Variants in TMF1 observed in about 807,000 individuals in gnomAD.
The protein encoded by TMF1 is TATA element modulatory factor.
Under a neutral mutation model 126.5 loss-of-function variants are expected in TMF1, and 71 were observed. That is an observed-to-expected ratio of 0.56 (90% CI 0.46 to 0.68). The LOEUF (loss-of-function observed/expected upper bound fraction) is 0.68, where lower values mean the gene tolerates loss of function less well. Among genes scored for constraint, TMF1 ranks in the 30% least tolerant of loss-of-function variants. The pLI is 0.00. For missense variants in TMF1, 1,259 were observed against 1,253.2 expected, an observed-to-expected ratio of 1.00 and a Z score of -0.07; for synonymous variants, 461 against 430.5, an observed-to-expected ratio of 1.07 and a Z score of -0.88.
In TMF1 at chr3:69,019,928, G is replaced by A. The variant is rs898533290; in HGVS notation, c.*3249C>T. On this transcript the variant is annotated 3_prime_UTR_variant, in exon 17 of 17. Coordinates refer to ENST00000398559, the MANE Select transcript of TMF1 (RefSeq NM_007114.3). ...ATCTGTAGTTTAAATCATACTTTCA[G>A]CCCTTTACAAAATATGTGATTAAAG... 6.6e-5 allele frequency: 10 copies of A among 151,910 alleles called. 1 individual carries two copies. The highest frequency in any genetic ancestry group is 5.9e-4 in the Admixed American group (9 of 15,278). The allele number at this position is 151,910 out of a possible 1,614,324, so 9.4% of individuals were successfully genotyped here.
chr3:69,037,678 T>C (rs2091840175), intron 8 of TMF1, among the ~76,000 whole-genome samples: 4 of 152,026 alleles, frequency 2.6e-5, no homozygotes, highest in Admixed American at 2.6e-4. Context: ...TGGTAGCACC[T>C]GCCTGTAGTC....
At chr3:69,050,781 A>G (rs976652768) in intron 1 of TMF1, among the ~76,000 whole-genome samples, 1 of 152,188 alleles carries the variant, frequency 6.6e-6, no homozygotes, top group Non-Finnish European at 1.5e-5. Flanking sequence ...TGACTTTTCA[A>G]TGATGTAAAA....
chr3:69,047,280 A>G, intron 2 of TMF1, 78 bp downstream of exon 2: 1 of 1,457,662 alleles, frequency 6.9e-7, no homozygotes, highest in Non-Finnish European at 9.2e-7. Flanking sequence ...ATTATGCATC[A>G]ATGAAAGTAT....
Position 69,048,560 on chromosome 3 carries a change from T to G in TMF1, c.145A>C (p.Ile49Leu), listed in dbSNP as rs766771583. ...AETIPYGEPGISSPVSGGWDT... is the reference protein window; with the variant it reads ...AETIPYGEPGLSSPVSGGWDT... ...CATCCTCCACTGACAGGGGAACTTA[T>G]TCCTTTAACAAAAAAGTAAATATTA... is the stretch of plus-strand genomic sequence containing the variant. Residue 49 changes from isoleucine to leucine, a missense_variant and splice_region_variant, in exon 2 of 17, where the codon ATA (isoleucine) becomes CTA (leucine). By Grantham distance (5) the Ile-to-Leu change is conservative (BLOSUM62 2). Transcript: ENST00000398559. The G allele has an allele frequency of 2.5e-6, 4 of 1,569,184 alleles. No individual in the cohort carries two copies. The South Asian group carries it at 4.7e-5, about 18-fold the overall frequency.
At chr3:69,024,538 C>A in intron 15 of TMF1, 1 of 165,434 alleles carries the variant, frequency 6.0e-6, no homozygotes. Flanking sequence ...AACGTAGCCC[C>A]ACCTGTGTAG....
At chr3:69,038,322 C>T (rs567313035) in intron 8 of TMF1, among the ~76,000 whole-genome samples, 90 of 152,126 alleles carry the variant, frequency 5.9e-4, no homozygotes, top group South Asian at 1.0e-3. Context: ...AAGAGGGTTC[C>T]TAGCTTTTAT....
At chr3:69,042,591 CT>C in intron 5 of TMF1, 1 of 651,392 alleles carries the variant, frequency 1.5e-6, no homozygotes, top group Non-Finnish European at 2.8e-6. Flanking sequence ...ACTTACTTTT[CT>C]TTTTACTTCC....
Position 69,051,968 on chromosome 3 carries a change from T to C in TMF1, c.119A>G (p.Glu40Gly). ...ACCCGGCTCTCCATACGGAATGGTC[T>C]CGGCCCAGATGCTCGGCTCCTCTTC... ...IQEEEPSIWA[E>G]TIPYGEPGIS... The change falls in exon 1 of 17, where the codon GAG (glutamate) becomes GGG (glycine). Residue 40 changes from glutamate to glycine, a missense_variant. By Grantham distance (98) the Glu-to-Gly change is moderately conservative (BLOSUM62 -2). Transcript: ENST00000398559. 6.2e-7 allele frequency: 1 copy of C among 1,613,974 alleles called. No individual in the cohort carries two copies. The highest frequency in any genetic ancestry group is 2.2e-5 in the East Asian group (1 of 44,852).
intron 1 of TMF1, among the ~76,000 whole-genome samples, chr3:69,051,563 C>T (rs2107473010): frequency 6.6e-6 from 1 of 152,282 alleles, no homozygotes; most frequent in East Asian, 1.9e-4. Flanking sequence ...TGATGATTTA[C>T]GTACTTCAGA....
intron 5 of TMF1, chr3:69,042,472 C>A (rs1189693650): frequency 4.2e-6 from 2 of 480,498 alleles, no homozygotes; most frequent in Non-Finnish European, 8.2e-6. Flanking sequence ...TCAGATATTA[C>A]ATAAATCCCA....
intron 10 of TMF1, among the ~76,000 whole-genome samples, chr3:69,033,198 TG>T (rs2091813303): frequency 6.9e-6 from 1 of 145,380 alleles, no homozygotes; most frequent in Non-Finnish European, 1.5e-5. Context: ...TGTGTGAACC[TG>T]GGAGGCGGAG....
intron 13 of TMF1, among the ~76,000 whole-genome samples, chr3:69,027,005 T>A (rs2091771580): frequency 6.6e-6 from 1 of 152,154 alleles, no homozygotes. Flanking sequence ...TATTTATTTT[T>A]ATTTTTTTGA....
At chr3:69,045,910 A>T (rs2091893040) in intron 2 of TMF1, among the ~76,000 whole-genome samples, 1 of 151,888 alleles carries the variant, frequency 6.6e-6, no homozygotes. Context: ...AATCAAAAAA[A>T]TAGCCAGGCG....
chr3:69,025,501 C>G (rs1246953866), intron 15 of TMF1, 59 bp downstream of exon 15: 2 of 1,480,172 alleles, frequency 1.4e-6, no homozygotes, highest in Admixed American at 3.9e-5. Context: ...ATGAAGGGTG[C>G]TATTTATTAG....
Position 69,048,283 on chromosome 3 carries a change from T to C in TMF1, c.422A>G (p.Gln141Arg), listed in dbSNP as rs1489785166. ...TTCAGTTGTTTCAGGAGTTCTTGAC[T>C]GGCCAATGTGCAAGGATTCATGTAA... ...SSLHESLHIG[Q>R]SRTPETTESQ... Residue 141 changes from glutamine to arginine, a missense_variant, in exon 2 of 17, where the codon CAG (glutamine) becomes CGG (arginine). Physicochemically the swap from Gln to Arg is conservative, Grantham distance 43 (BLOSUM62 1). Coordinates refer to ENST00000398559, the MANE Select transcript of TMF1 (RefSeq NM_007114.3). 1.2e-6 allele frequency: 2 copies of C among 1,614,246 alleles called. No individual in the cohort carries two copies. Among genetic ancestry groups the C allele is most frequent in the African/African-American group, 1.3e-5 (1 of 75,068 alleles).
intron 6 of TMF1, among the ~76,000 whole-genome samples, 200 bp downstream of exon 6, chr3:69,039,351 C>T (rs1039782531): frequency 1.3e-5 from 2 of 152,190 alleles, no homozygotes; most frequent in East Asian, 1.9e-4. Flanking sequence ...ATCTGCCTGT[C>T]GCAGCCTCCG....
In TMF1 at chr3:69,020,017, AT is replaced by A. The variant is rs2091720866; in HGVS notation, c.*3159del. ...GGATTCACTTTAATGAAAATGAAAA[AT>A]TTTGATACACTAGAACATAAATGTA... On this transcript the variant is annotated 3_prime_UTR_variant, in exon 17 of 17. Coordinates refer to ENST00000398559, the MANE Select transcript of TMF1 (RefSeq NM_007114.3). 6.6e-6 allele frequency: 1 copy of A among 152,106 alleles called. No individual in the cohort carries two copies. Among genetic ancestry groups the A allele is most frequent in the South Asian group, 2.1e-4 (1 of 4,834 alleles). The allele number at this position is 152,106 out of a possible 1,614,324, so 9.4% of individuals were successfully genotyped here. A position where few individuals can be genotyped will look rare whatever the true frequency, so the allele number is the denominator to read the frequency against.
In TMF1 at chr3:69,045,742, G is replaced by A. The variant is rs545987181; in HGVS notation, c.1348-1147C>T. 3.0e-4 allele frequency among the ~76,000 whole-genome samples: 45 copies of A among 151,900 alleles called. No individual in the cohort carries two copies. The South Asian group carries it at 4.4e-3, about 15-fold the overall frequency. ...AGCCTGGGCAACAGGGCAAGACTCCGCCTCAAAAAATAAATAAATAAAATA... is the reference window on the plus strand; with the variant it reads ...AGCCTGGGCAACAGGGCAAGACTCCACCTCAAAAAATAAATAAATAAAATA... On this transcript the variant is annotated intron_variant, in intron 2 of 16. Transcript: ENST00000398559.
intron 8 of TMF1, among the ~76,000 whole-genome samples, chr3:69,036,148 A>AT (rs1158766862): frequency 1.3e-5 from 2 of 152,168 alleles, no homozygotes; most frequent in Non-Finnish European, 1.5e-5. Context: ...GTAAAGAGAT[A>AT]TTTTTTAAAA....
Sources: allele counts gnomAD v4.1 joint callset (sites outside exome capture counted in the v4.1 genomes callset), GRCh38; gene constraint gnomAD v4.1.1; transcripts MANE v1.5; gene names NCBI Gene and HGNC (gene_info 2026-07-23, HGNC 2026-07-21).